The following PTK7 variants were observed in gnomAD, a reference collection of about 807,000 sequenced individuals.
PTK7 encodes the protein protein tyrosine kinase 7 (inactive), also known as inactive tyrosine-protein kinase 7.
A neutral mutation model predicts 116.6 loss-of-function variants in PTK7; 39 were observed. The observed-to-expected ratio is 0.33, with a 90% CI of 0.26 to 0.44. The LOEUF is 0.44. PTK7 is among the 20% of genes least tolerant of loss of function. PTK7 has a pLI of 1.00. For synonymous variants in PTK7, 546 were observed against 563.6 expected, an observed-to-expected ratio of 0.97 and a Z score of 0.44; for missense variants, 1,169 against 1,425.6, an observed-to-expected ratio of 0.82 and a Z score of 2.90.
chr6:43,138,189 G>T (rs202043049), intron 7 of PTK7, among the ~76,000 whole-genome samples: 2 of 147,604 alleles, frequency 1.4e-5, no homozygotes, highest in African/African-American at 5.1e-5. Flanking sequence ...TGTTTTTTTT[G>T]TTTTTTTAGA....
At chr6:43,080,857 A>T (rs944578460) in intron 1 of PTK7, among the ~76,000 whole-genome samples, 3 of 151,692 alleles carry the variant, frequency 2.0e-5, no homozygotes, top group Non-Finnish European at 4.4e-5. Context: ...CAGGAGAATC[A>T]CTTGAACCCG....
At chr6:43,084,910 G>A (rs992190265) in intron 1 of PTK7, among the ~76,000 whole-genome samples, 6 of 152,112 alleles carry the variant, frequency 3.9e-5, no homozygotes, top group East Asian at 1.9e-4. Flanking sequence ...TAAAGTCATC[G>A]GACCAGGATT....
At chr6:43,135,223 G>T (rs1769955566) in intron 7 of PTK7, among the ~76,000 whole-genome samples, 1 of 152,210 alleles carries the variant, frequency 6.6e-6, no homozygotes, top group African/African-American at 2.4e-5. Flanking sequence ...TTGAGAGTGT[G>T]TGATGCAAAC....
chr6:43,129,213 G>T lies in PTK7; in HGVS notation c.316G>T (p.Asp106Tyr). 6.2e-7 allele frequency: 1 copy of T among 1,614,132 alleles called. No individual in the cohort carries two copies. The highest frequency in any genetic ancestry group is 8.5e-7 in the Non-Finnish European group (1 of 1,180,034). Residue 106 changes from aspartate to tyrosine, a missense_variant, in exon 2 of 20, where the codon GAT becomes TAT. By Grantham distance (160) the Asp-to-Tyr change is radical (BLOSUM62 -3). Around this residue, in one of 3 missense-constraint regions of PTK7, gnomAD observed 487 missense variants for 549.8 expected, o/e 0.89. Transcript: ENST00000230419. The surrounding 1 kb of genome is among the most constrained non-coding windows in gnomAD (Gnocchi z 4.5). ...CACCTTCCAGTGTGTGGCTCGGGATGATGTCACTGGAGAAGAAGCCCGCAG... is the reference window on the plus strand; with the variant it reads ...CACCTTCCAGTGTGTGGCTCGGGATTATGTCACTGGAGAAGAAGCCCGCAG... ...SGTFQCVARD[D>Y]VTGEEARSAN...
intron 1 of PTK7, among the ~76,000 whole-genome samples, chr6:43,117,353 G>A (rs148347269): frequency 4.6e-5 from 7 of 152,176 alleles, no homozygotes; most frequent in Non-Finnish European, 7.3e-5. Context: ...ATACCTGCCC[G>A]TGGAACACCA....
At chr6:43,137,828 A>T (rs1354609226) in intron 7 of PTK7, among the ~76,000 whole-genome samples, 1 of 151,984 alleles carries the variant, frequency 6.6e-6, no homozygotes, top group African/African-American at 2.4e-5. Context: ...TTTATTTGAG[A>T]TGGAGTCTCA....
At position 43,129,629 on chromosome 6, in the gene PTK7, C is replaced by T; in HGVS notation, c.368-98C>T. 1 of 1,060,490 alleles carries T rather than the reference C, an allele frequency of 9.4e-7. No homozygotes were observed. Among genetic ancestry groups the T allele is most frequent in the Non-Finnish European group, 1.4e-6 (1 of 691,862 alleles). The allele number at this position is 1,060,490 out of a possible 1,614,324, so 65.7% of individuals were successfully genotyped here. A position where few individuals can be genotyped will look rare whatever the true frequency, so the allele number is the denominator to read the frequency against. On this transcript the variant is annotated intron_variant, in intron 2 of 19. Coordinates refer to ENST00000230419, the MANE Select transcript of PTK7 (RefSeq NM_002821.5). The surrounding 1 kb of genome is among the most constrained non-coding windows in gnomAD (Gnocchi z 4.5). ...CTTCCTTGTGTCTGTTGGCACAGAGCCTCGAGGTTCCACGGCTTCCTGCTT... is the reference window on the plus strand; with the variant it reads ...CTTCCTTGTGTCTGTTGGCACAGAGTCTCGAGGTTCCACGGCTTCCTGCTT...
rs373906232 is a variant in PTK7 at position 43,143,460 on chromosome 6, C to T, written c.2091C>T (p.Pro697=). The T allele has an allele frequency of 5.6e-6, 9 of 1,614,070 alleles. No individual in the cohort carries two copies. The South Asian group carries it at 8.8e-5, about 16-fold the overall frequency. Residue 697 remains proline, a synonymous_variant, in exon 14 of 20, where the codon CCC becomes CCT. Coordinates refer to ENST00000230419, the MANE Select transcript of PTK7 (RefSeq NM_002821.5). The surrounding 1 kb of genome is among the most constrained non-coding windows in gnomAD (Gnocchi z 4.2). ...PEESEGPGSP[P]PYKMIQTIGL... ...AGTCGGAGGGCCCTGGCAGCCCTCCCCCCTACAAGATGATCCAGACCATTG... is the reference window on the plus strand; with the variant it reads ...AGTCGGAGGGCCCTGGCAGCCCTCCTCCCTACAAGATGATCCAGACCATTG...
At chr6:43,121,350 C>T (rs1487668626) in intron 1 of PTK7, among the ~76,000 whole-genome samples, 1 of 152,210 alleles carries the variant, frequency 6.6e-6, no homozygotes, top group Non-Finnish European at 1.5e-5. Flanking sequence ...GTTTCTGCCC[C>T]AGTCCTTGGT....
intron 7 of PTK7, 67 bp downstream of exon 7, chr6:43,132,754 G>A (rs1435650486): frequency 2.6e-6 from 4 of 1,547,296 alleles, no homozygotes; most frequent in Non-Finnish European, 2.6e-6. Flanking sequence ...GTGATGGACA[G>A]AGGCTTCCCT....
intron 1 of PTK7, among the ~76,000 whole-genome samples, chr6:43,121,155 G>A (rs368526008): frequency 2.0e-5 from 3 of 151,026 alleles, no homozygotes; most frequent in African/African-American, 7.3e-5. Context: ...GATTACAGGC[G>A]CTGTGCCTGA....
At chr6:43,097,375 T>C (rs890912296) in intron 1 of PTK7, among the ~76,000 whole-genome samples, 3 of 152,204 alleles carry the variant, frequency 2.0e-5, no homozygotes, top group African/African-American at 7.2e-5. Context: ...ACAAATATCC[T>C]TGTACCTGTC....
At chr6:43,158,088 G>T (rs1013031229) in intron 17 of PTK7, among the ~76,000 whole-genome samples, 4 of 152,004 alleles carry the variant, frequency 2.6e-5, no homozygotes, top group African/African-American at 7.2e-5. Flanking sequence ...CACAAGGTCA[G>T]GAGATCGAGA....
At chr6:43,082,659 C>T (rs149657730) in intron 1 of PTK7, among the ~76,000 whole-genome samples, 121 of 152,282 alleles carry the variant, frequency 7.9e-4, no homozygotes, top group African/African-American at 2.8e-3. Context: ...TCACTTTATG[C>T]GAACACTCCT....
In PTK7 at chr6:43,139,065, T is replaced by C. The variant is rs1770222818; in HGVS notation, c.1363-71T>C. On this transcript the variant is annotated intron_variant, in intron 8 of 19. Transcript: ENST00000230419. The surrounding 1 kb of genome is among the most constrained non-coding windows in gnomAD (Gnocchi z 4.6). ...TCTGTGCTCACCTCCATAGCACTCT[T>C]ACCCTGGAGGCAGCCTCCAGGGAGA... 3.7e-6 allele frequency: 6 copies of C among 1,609,626 alleles called. No individual in the cohort carries two copies. Among genetic ancestry groups the C allele is most frequent in the Non-Finnish European group, 5.1e-6 (6 of 1,177,034 alleles).
At chr6:43,100,691 A>G (rs1482936102) in intron 1 of PTK7, among the ~76,000 whole-genome samples, 1 of 152,188 alleles carries the variant, frequency 6.6e-6, no homozygotes, top group Non-Finnish European at 1.5e-5. Flanking sequence ...GCATTATACA[A>G]GATCACGGGG....
chr6:43,097,246 G>A (rs374676010), intron 1 of PTK7, among the ~76,000 whole-genome samples: 2 of 152,274 alleles, frequency 1.3e-5, no homozygotes, highest in South Asian at 2.1e-4. Context: ...ACCTGAAGCC[G>A]GTGCTGTCTG....
At chr6:43,131,453 A>G (rs1769676694) in intron 5 of PTK7, among the ~76,000 whole-genome samples, 1 of 152,226 alleles carries the variant, frequency 6.6e-6, no homozygotes, top group East Asian at 1.9e-4. Context: ...AAGAGGTTTA[A>G]TTGGACTTAC....
At chr6:43,148,474 GT>G (rs1770853242) in intron 17 of PTK7, among the ~76,000 whole-genome samples, 1 of 152,192 alleles carries the variant, frequency 6.6e-6, no homozygotes, top group Non-Finnish European at 1.5e-5. Flanking sequence ...AACCATTTGA[GT>G]TTAGTTCACA....
Sources: gnomAD v4.1 joint callset for allele counts (sites outside exome capture counted in the v4.1 genomes callset) on GRCh38, gnomAD v4.1.1 for gene constraint, gnomAD v4.1.1 regional missense constraint, Gnocchi (gnomAD v3.1) non-coding constraint, MANE v1.5 for transcripts, NCBI Gene and HGNC (gene_info 2026-07-23, HGNC 2026-07-21) for gene names.